The following TTC13 variants were observed in gnomAD, a reference collection of about 807,000 sequenced individuals.
The protein encoded by TTC13 is tetratricopeptide repeat protein 13.
A neutral mutation model predicts 120.0 loss-of-function variants in TTC13; 62 were observed. That is an observed-to-expected ratio of 0.52 (90% CI 0.42 to 0.64). TTC13 has a LOEUF of 0.64. Among genes scored for constraint, TTC13 ranks in the 30% least tolerant of loss-of-function variants. TTC13 has a pLI of 0.00. For missense variants in TTC13, 824 were observed against 1,050.2 expected, an observed-to-expected ratio of 0.78 and a Z score of 2.98; for synonymous variants, 384 against 393.5, an observed-to-expected ratio of 0.98 and a Z score of 0.28.
chr1:230,961,326 T>C (rs1676617977), intron 1 of TTC13, 23 bp from the exon 2 acceptor site: 1 of 1,533,946 alleles, frequency 6.5e-7, no homozygotes, highest in Non-Finnish European at 9.0e-7. Flanking sequence ...CATTCTTTGT[T>C]ATTCTCTACA....
At chr1:230,934,471 G>C (rs887780056) in intron 8 of TTC13, among the ~76,000 whole-genome samples, 7 of 152,216 alleles carry the variant, frequency 4.6e-5, no homozygotes, top group African/African-American at 1.7e-4. Context: ...CAAGTCTGTG[G>C]CTAAGAAAGT....
At chr1:230,923,434 A>T (rs1319570280) in intron 15 of TTC13, among the ~76,000 whole-genome samples, 6 of 152,140 alleles carry the variant, frequency 3.9e-5, no homozygotes, top group Non-Finnish European at 8.8e-5. Flanking sequence ...GGAGCCGCCC[A>T]CCGTGAGAGA....
Position 230,924,867 on chromosome 1 carries a change from C to G in TTC13, c.1695G>C (p.Met565Ile). The G allele has an allele frequency of 1.2e-6, 2 of 1,614,222 alleles. No homozygotes were observed. The highest frequency in any genetic ancestry group is 1.7e-6 in the Non-Finnish European group (2 of 1,180,030). Residue 565 changes from methionine to isoleucine, a missense_variant, in exon 14 of 23, where the codon ATG (methionine) becomes ATC (isoleucine). Met to Ile is a conservative substitution (Grantham distance 10). Around this residue, in one of 4 missense-constraint regions of TTC13, gnomAD observed 430 missense variants for 626.8 expected, o/e 0.69. Transcript: ENST00000366661. ...TTCTCCATTTAACTGCAATGTCAAA[C>G]ATGTCTCTCCACTGCATCAACCGTG... ...GKTRLMQWRD[M>I]FDIAVKWRRI... is the part of the protein sequence containing the mutation.
chr1:230,906,928 G>T lies in TTC13; in HGVS notation c.2560C>A (p.Pro854Thr). 1 of 1,521,838 alleles carries T rather than the reference G, an allele frequency of 6.6e-7. No individual in the cohort carries two copies. Among genetic ancestry groups the T allele is most frequent in the South Asian group, 1.3e-5 (1 of 77,426 alleles). The allele number at this position is 1,521,838 out of a possible 1,614,324, so 94.3% of individuals were successfully genotyped here. A position where few individuals can be genotyped will look rare whatever the true frequency, so the allele number is the denominator to read the frequency against. The change falls in exon 23 of 23, where the codon CCA becomes ACA. Residue 854 changes from proline (P) to threonine (T), a missense_variant. Transcript: ENST00000366661. The stretch of plus-strand genomic sequence containing the variant: ...AACTAGAGTTTCTTAAGACAACGTG[G>T]AGAAGAGTCTGTGTTTAGCACCTCA... The part of the protein sequence containing the change: ...MIEVLNTDSS[P>T]RCLKKL
chr1:230,955,432 G>C (rs1051359364), intron 3 of TTC13, among the ~76,000 whole-genome samples: 2 of 148,510 alleles, frequency 1.3e-5, no homozygotes, highest in Non-Finnish European at 3.0e-5. Flanking sequence ...GGGAGGCTGA[G>C]GCAGGCAGAT....
At position 230,931,797 on chromosome 1, in the gene TTC13, T is replaced by C; in HGVS notation, c.1064A>G (p.Gln355Arg). The C allele has an allele frequency of 1.2e-6, 2 of 1,614,202 alleles. No homozygotes were observed. The highest frequency in any genetic ancestry group is 1.7e-6 in the Non-Finnish European group (2 of 1,180,038). The change falls in exon 10 of 23, where the codon CAG (glutamine) becomes CGG (arginine). Residue 355 changes from glutamine to arginine, a missense_variant. Physicochemically the swap from Gln to Arg is conservative, Grantham distance 43. This residue lies in a region of TTC13 where 430 missense variants were observed against 626.8 expected (regional missense o/e 0.69). Transcript: ENST00000366661. ...GTGGTAGAGCATCATTCCCCGGAGCTGGAGGGTTTGCACATGATTTTGGTT... is the reference window on the plus strand; with the variant it reads ...GTGGTAGAGCATCATTCCCCGGAGCCGGAGGGTTTGCACATGATTTTGGTT... ...LLNQNHVQTL[Q>R]LRGMMLYHHG...
intron 17 of TTC13, among the ~76,000 whole-genome samples, chr1:230,917,440 G>A (rs1460774181): frequency 6.6e-6 from 1 of 152,130 alleles, no homozygotes; most frequent in South Asian, 2.1e-4. Context: ...TGACATACAC[G>A]TTAACTTGGT....
rs1270447528 is a variant in TTC13, at chr1:230,931,347, G to A, written c.1251C>T (p.Leu417=). Residue 417 remains leucine, a synonymous_variant, in exon 11 of 23, where the codon CTC becomes CTT. Coordinates refer to ENST00000366661, the MANE Select transcript of TTC13 (RefSeq NM_024525.5). ...ACTCAGGGCTAGCCTTCTGGCCTGG[G>A]AGAGGATCATTCAGCATAACTTTTG... ...AQTKVMLNDP[L]PGQKASPEYL... is the part of the protein sequence containing the mutation. 10 of 1,614,066 alleles carry A rather than the reference G, an allele frequency of 6.2e-6. No homozygotes were observed. Among genetic ancestry groups the A allele is most frequent in the Non-Finnish European group, 8.5e-6 (10 of 1,180,054 alleles).
rs773196876 is a variant in TTC13, at chr1:230,978,861, T to C, written c.-31A>G. The C allele has an allele frequency of 6.9e-7, 1 of 1,441,474 alleles. No individual in the cohort carries two copies. The highest frequency in any genetic ancestry group is 9.0e-7 in the Non-Finnish European group (1 of 1,108,002). 89.3% of individuals were successfully genotyped at this position (1,441,474 alleles called of 1,614,324 possible). A position where few individuals can be genotyped will look rare whatever the true frequency, so the allele number is the denominator to read the frequency against. ...CTCAAGGCGCATGCGCGACAGCCCT[T>C]GCCCGGCTCTCAGGCCTCCCCGCCT... On this transcript the variant is annotated 5_prime_UTR_variant, in exon 1 of 23. Transcript: ENST00000366661. This position sits in a 1 kb window ranked among gnomAD's most constrained non-coding sequence, Gnocchi z 5.6.
chr1:230,920,882 T>C (rs1005612933), intron 16 of TTC13, among the ~76,000 whole-genome samples: 2 of 152,184 alleles, frequency 1.3e-5, no homozygotes, highest in Admixed American at 1.3e-4. Flanking sequence ...TGTGTGAACA[T>C]GTATGGTTAT....
At chr1:230,937,079 T>C (rs778978464) in intron 8 of TTC13, among the ~76,000 whole-genome samples, 24 of 152,198 alleles carry the variant, frequency 1.6e-4, no homozygotes, top group Non-Finnish European at 2.9e-4. Context: ...AATAACTTGG[T>C]AGGACTAGTT....
At chr1:230,945,570 G>A (rs896979595) in intron 4 of TTC13, 116 bp from the exon 5 acceptor site, 65 of 891,710 alleles carry the variant, frequency 7.3e-5, no homozygotes, top group East Asian at 4.8e-4. Flanking sequence ...TTTATGCTAC[G>A]ACCACTCGTA....
At chr1:230,950,681 T>G (rs1675490192) in intron 4 of TTC13, among the ~76,000 whole-genome samples, 1 of 152,260 alleles carries the variant, frequency 6.6e-6, no homozygotes, top group African/African-American at 2.4e-5. Flanking sequence ...GAGGAATGTT[T>G]CCAATTTTGT....
chr1:230,967,202 A>G (rs7513889), intron 1 of TTC13, among the ~76,000 whole-genome samples: 106,396 of 151,760 alleles, frequency 0.7, 37,865 homozygotes, highest in African/African-American at 0.83. Flanking sequence ...TCCAAAAAGT[A>G]CTCAATAACG....
intron 8 of TTC13, among the ~76,000 whole-genome samples, chr1:230,937,351 G>C (rs995183903): frequency 6.6e-6 from 1 of 152,064 alleles, no homozygotes; most frequent in Admixed American, 6.5e-5. Context: ...CAAATAGGTT[G>C]GTATTTTTTG....
At chr1:230,954,618 T>TA in intron 3 of TTC13, among the ~76,000 whole-genome samples, 1 of 152,326 alleles carries the variant, frequency 6.6e-6, no homozygotes, top group Middle Eastern at 3.4e-3. Flanking sequence ...TTTAAATTGT[T>TA]AAAGTCATCT....
chr1:230,964,909 A>G (rs1676985996), intron 1 of TTC13, among the ~76,000 whole-genome samples: 1 of 152,218 alleles, frequency 6.6e-6, no homozygotes, highest in Admixed American at 6.5e-5. Flanking sequence ...TGGTGCTGGG[A>G]AAACTGAATA....
intron 3 of TTC13, 32 bp downstream of exon 3, chr1:230,958,192 A>G (rs747532676): frequency 7.5e-6 from 12 of 1,604,896 alleles, no homozygotes; most frequent in Non-Finnish European, 8.5e-6. Flanking sequence ...TGAGGCAAAT[A>G]TTACAGGAAT....
At chr1:230,908,121 AAGTG>A (rs1572162776) in intron 22 of TTC13, among the ~76,000 whole-genome samples, 1 of 152,184 alleles carries the variant, frequency 6.6e-6, no homozygotes, top group East Asian at 1.9e-4. Flanking sequence ...AGGCCAAGAG[AAGTG>A]AATACCTGAT....
Sources: gnomAD v4.1 joint callset for allele counts (sites outside exome capture counted in the v4.1 genomes callset) on GRCh38, gnomAD v4.1.1 for gene constraint, gnomAD v4.1.1 regional missense constraint, Gnocchi (gnomAD v3.1) non-coding constraint, MANE v1.5 for transcripts, NCBI Gene and HGNC (gene_info 2026-07-23, HGNC 2026-07-21) for gene names.